UBN2: variants seen among roughly 807,000 people sequenced by gnomAD.
UBN2 encodes the protein ubinuclein 2, also known as ubinuclein-2.
UBN2 carries 35 observed loss-of-function variants against 120.2 expected under a neutral mutation model. That is an observed-to-expected ratio of 0.29 (90% CI 0.22 to 0.39). The LOEUF (loss-of-function observed/expected upper bound fraction) is 0.39. UBN2 is among the 10% of genes least tolerant of loss of function. The pLI is 1.00. For missense variants in UBN2, 1,693 were observed against 1,663.2 expected, an observed-to-expected ratio of 1.02 and a Z score of -0.31; for synonymous variants, 661 against 648.7, an observed-to-expected ratio of 1.02 and a Z score of -0.29.
intron 15 of UBN2, among the ~76,000 whole-genome samples, chr7:139,286,203 C>A (rs1293089918): frequency 6.6e-6 from 1 of 152,164 alleles, no homozygotes; most frequent in African/African-American, 2.4e-5. Flanking sequence ...GCTGGGCTTA[C>A]AGGCGTGAGC....
the UBN2 span, among the ~76,000 whole-genome samples, chr7:139,319,936 T>C: frequency 1.3e-4 from 20 of 149,426 alleles, no homozygotes; most frequent in African/African-American, 3.4e-4. Context: ...ATTAGCTGAG[T>C]GTGGTGGCGG....
At chr7:139,249,987 T>C (rs538026236) in intron 2 of UBN2, among the ~76,000 whole-genome samples, 4 of 151,982 alleles carry the variant, frequency 2.6e-5, no homozygotes, top group Non-Finnish European at 5.9e-5. Context: ...AGGTATGAGT[T>C]ACTGCACCTG....
Position 139,261,257 on chromosome 7 carries a change from T to G in UBN2, c.911T>G (p.Val304Gly), listed in dbSNP as rs190623470. 3 of 1,603,310 alleles carry G rather than the reference T, an allele frequency of 1.9e-6. No individual in the cohort carries two copies. In the African/African-American group the frequency reaches 4.0e-5, roughly 22 times the overall value. Reference sequence around the variant, plus strand: ...GATCATTTTTGTCTTCACAGAGTTGTGGCTCTAAATTCACACAAGTCTGAA... The same window carrying G: ...GATCATTTTTGTCTTCACAGAGTTGGGGCTCTAAATTCACACAAGTCTGAA... Reference protein sequence around the residue: ...RKKVPKQLGVVALNSHKSEKK... With the variant: ...RKKVPKQLGVGALNSHKSEKK... Residue 304 changes from valine to glycine, a missense_variant, in exon 6 of 18, where the codon GTG (valine) becomes GGG (glycine). By Grantham distance (109) the Val-to-Gly change is moderately radical (BLOSUM62 -3). This residue lies in a region of UBN2 where 663 missense variants were observed against 591.2 expected (regional missense o/e 1.12). Transcript: ENST00000473989.
At chr7:139,259,480 G>T (rs770758115) in intron 5 of UBN2, 110 bp downstream of exon 5, 24 of 1,392,594 alleles carry the variant, frequency 1.7e-5, no homozygotes, top group Non-Finnish European at 2.3e-5. Flanking sequence ...GTCTAATTTA[G>T]TACGTTATTG....
Position 139,283,171 on chromosome 7 carries a change from C to T in UBN2, c.2266C>T (p.Leu756=). 1.9e-6 allele frequency: 3 copies of T among 1,612,330 alleles called. No individual in the cohort carries two copies. Among genetic ancestry groups the T allele is most frequent in the Non-Finnish European group, 1.7e-6 (2 of 1,179,824 alleles). ...AQETICLDDS[L]DEDLSFHSPS... ...AGAAACCATCTGCCTCGACGACTCA[C>T]TAGATGAAGACCTTTCTTTCCATTC... The change falls in exon 15 of 18, where the codon CTA becomes TTA. Residue 756 remains leucine, a synonymous_variant. Coordinates refer to ENST00000473989, the MANE Select transcript of UBN2 (RefSeq NM_173569.4).
In UBN2 at chr7:139,276,147, CGTGA is replaced by C; in HGVS notation, c.2024+3_2024+6del. The C allele has an allele frequency of 6.2e-7, 1 of 1,613,298 alleles. No individual in the cohort carries two copies. The highest frequency in any genetic ancestry group is 8.5e-7 in the Non-Finnish European group (1 of 1,179,726). ...GTTCATAATCATCTTACTTCTGCTC[CGTGA>C]GTAAATGCAGACTCCAGATTGCTTC... On this transcript the variant is annotated splice_donor_variant and splice_donor_region_variant and intron_variant, in intron 12 of 17. Coordinates refer to ENST00000473989, the MANE Select transcript of UBN2 (RefSeq NM_173569.4). LOFTEE classifies it high-confidence loss of function.
At position 139,283,007 on chromosome 7, in the gene UBN2, A is replaced by T; in HGVS notation, c.2119-17A>T. 1 of 1,495,100 alleles carries T rather than the reference A, an allele frequency of 6.7e-7. No homozygotes were observed. The highest frequency in any genetic ancestry group is 1.4e-5 in the African/African-American group (1 of 70,390). 92.6% of individuals were successfully genotyped at this position (1,495,100 alleles called of 1,614,324 possible). On this transcript the variant is annotated splice_polypyrimidine_tract_variant and intron_variant, in intron 14 of 17. Coordinates refer to ENST00000473989, the MANE Select transcript of UBN2 (RefSeq NM_173569.4). ...ATTCACCATTTCTATTTTTTTCCAT[A>T]TGATGCTTTACATTAGGAGTGTAGT...
intron 15 of UBN2, among the ~76,000 whole-genome samples, chr7:139,291,481 A>G (rs1028586471): frequency 3.3e-5 from 5 of 152,106 alleles, no homozygotes; most frequent in Non-Finnish European, 7.4e-5. Flanking sequence ...TCTCAGAATG[A>G]CAGAAACTAT....
intron 2 of UBN2, among the ~76,000 whole-genome samples, chr7:139,238,466 C>G (rs975599210): frequency 6.6e-6 from 1 of 152,152 alleles, no homozygotes; most frequent in Admixed American, 6.5e-5. Flanking sequence ...CTCTGTCACT[C>G]AGGCTGGAGT....
the UBN2 span, among the ~76,000 whole-genome samples, chr7:139,320,108 C>T: frequency 6.6e-6 from 1 of 151,194 alleles, no homozygotes; most frequent in Non-Finnish European, 1.5e-5. Flanking sequence ...TCACCCAACA[C>T]TCAAAGTAGT....
chr7:139,236,775 G>C (rs1177899787), intron 1 of UBN2, among the ~76,000 whole-genome samples: 1 of 151,164 alleles, frequency 6.6e-6, no homozygotes, highest in Non-Finnish European at 1.5e-5. Context: ...TTACTTGTTA[G>C]TATTAGGAAA....
rs1195274646 is a variant in UBN2, at chr7:139,307,276, C to T, written c.*9440C>T. The stretch of plus-strand genomic sequence containing the variant: ...GTTTTTGCTAACTTGAAGGGATATA[C>T]TGTATTTCAAATAAGTGTGTGACTT... On this transcript the variant is annotated 3_prime_UTR_variant, in exon 18 of 18. Coordinates refer to ENST00000473989, the MANE Select transcript of UBN2 (RefSeq NM_173569.4). 1 of 152,088 alleles carries T rather than the reference C, an allele frequency of 6.6e-6. No homozygotes were observed. Among genetic ancestry groups the T allele is most frequent in the Non-Finnish European group, 1.5e-5 (1 of 68,032 alleles). 9.4% of individuals were successfully genotyped at this position (152,088 alleles called of 1,614,324 possible).
At chr7:139,297,642 T>A in intron 17 of UBN2, 145 bp from the exon 18 acceptor site, 1 of 677,492 alleles carries the variant, frequency 1.5e-6, no homozygotes, top group Non-Finnish European at 2.6e-6. Flanking sequence ...TATAATGCTA[T>A]ATGGCATGCA....
chr7:139,276,061 A>G, intron 11 of UBN2, 36 bp from the exon 12 acceptor site: 1 of 1,552,646 alleles, frequency 6.4e-7, no homozygotes, highest in Non-Finnish European at 8.9e-7. Flanking sequence ...ATCTGCTATA[A>G]AGAAAATAAT....
At chr7:139,250,109 C>G (rs1015530252) in intron 2 of UBN2, among the ~76,000 whole-genome samples, 6 of 152,096 alleles carry the variant, frequency 3.9e-5, no homozygotes, top group Non-Finnish European at 8.8e-5. Context: ...GGTACCATAG[C>G]TTGTGTCTGT....
At chr7:139,242,458 C>G (rs1019731094) in intron 2 of UBN2, among the ~76,000 whole-genome samples, 3 of 152,066 alleles carry the variant, frequency 2.0e-5, no homozygotes, top group Non-Finnish European at 4.4e-5. Context: ...ATTCTACTTG[C>G]AAAACACAAA....
intron 1 of UBN2, 23 bp from the exon 2 acceptor site, chr7:139,236,982 T>G: frequency 6.6e-7 from 1 of 1,526,608 alleles, no homozygotes. Flanking sequence ...CTTCTCTTTC[T>G]TTTCCCATTC....
Position 139,307,484 on chromosome 7 carries a change from A to G in UBN2, c.*9648A>G, listed in dbSNP as rs1798378732. ...GTCTCCCTTTTTTGTATTTTAGTAA[A>G]AAAAAAAAAAAATAAATTTAAATAA... On this transcript the variant is annotated 3_prime_UTR_variant, in exon 18 of 18. Transcript: ENST00000473989. 1 of 151,066 alleles carries G rather than the reference A, an allele frequency of 6.6e-6. No individual in the cohort carries two copies. Among genetic ancestry groups the G allele is most frequent in the Non-Finnish European group, 1.5e-5 (1 of 67,786 alleles). 9.4% of individuals were successfully genotyped at this position (151,066 alleles called of 1,614,324 possible). A position where few individuals can be genotyped will look rare whatever the true frequency, so the allele number is the denominator to read the frequency against.
chr7:139,249,375 T>G (rs1023394716), intron 2 of UBN2, among the ~76,000 whole-genome samples: 7 of 152,226 alleles, frequency 4.6e-5, no homozygotes, highest in Non-Finnish European at 7.3e-5. Context: ...TGCAAGTTAC[T>G]TGTAAAGTGA....
Sources: gnomAD v4.1 joint callset for allele counts (sites outside exome capture counted in the v4.1 genomes callset) on GRCh38, gnomAD v4.1.1 for gene constraint, gnomAD v4.1.1 regional missense constraint, MANE v1.5 for transcripts, NCBI Gene and HGNC (gene_info 2026-07-23, HGNC 2026-07-21) for gene names.